Variants in TBC1D9 observed in about 807,000 individuals in gnomAD.
The protein encoded by TBC1D9 is TBC1 domain family member 9A.
TBC1D9 carries 63 observed loss-of-function variants against 132.0 expected under a neutral mutation model. That is an observed-to-expected ratio of 0.48 (90% CI 0.39 to 0.59). TBC1D9 has a LOEUF of 0.59. Among genes scored for constraint, TBC1D9 ranks in the 20% least tolerant of loss-of-function variants. The probability of loss-of-function intolerance (pLI) is 0.00; values close to 1 mark genes in which losing one functional copy is unlikely to be tolerated. For missense variants in TBC1D9, 1,261 were observed against 1,592.7 expected (o/e 0.79, Z 3.54); for synonymous variants, 610 against 609.9 (o/e 1.00, Z 0.00).
At chr4:140,658,244 C>T (rs1008497282) in intron 11 of TBC1D9, among the ~76,000 whole-genome samples, 1 of 152,164 alleles carries the variant, frequency 6.6e-6, no homozygotes, top group African/African-American at 2.4e-5. Flanking sequence ...TTTGAGAGTA[C>T]TCACACAAAC....
At chr4:140,692,436 G>A (rs1169887419) in intron 2 of TBC1D9, among the ~76,000 whole-genome samples, 12 of 152,118 alleles carry the variant, frequency 7.9e-5, no homozygotes, top group Non-Finnish European at 1.6e-4. Flanking sequence ...ATGAAGGCAA[G>A]AGTATTACTC....
chr4:140,715,075 A>G (rs2111052463), intron 1 of TBC1D9, among the ~76,000 whole-genome samples: 1 of 152,308 alleles, frequency 6.6e-6, no homozygotes, highest in South Asian at 2.1e-4. Flanking sequence ...AGTAAGCAGT[A>G]GCCCCACCAC....
rs568823716 is a variant in TBC1D9, at chr4:140,744,693, G to A, written c.130+11223C>T. ...GAGGTCAGGAGTTTGAGACCAGCTT[G>A]ACTAACATAGTGAAACCCCGTCCCT... On this transcript the variant is annotated intron_variant, in intron 1 of 20. Coordinates refer to ENST00000442267, the MANE Select transcript of TBC1D9 (RefSeq NM_015130.3). Among the ~76,000 whole-genome samples, 121 of 152,030 alleles carry A rather than the reference G, an allele frequency of 8.0e-4. 1 individual carries two copies. Among genetic ancestry groups the A allele is most frequent in the Middle Eastern group, 3.4e-3 (1 of 294 alleles).
At chr4:140,707,562 G>A (rs1017904147) in intron 1 of TBC1D9, among the ~76,000 whole-genome samples, 3 of 152,156 alleles carry the variant, frequency 2.0e-5, no homozygotes, top group African/African-American at 7.2e-5. Flanking sequence ...TCTGGCTGCT[G>A]CTCCTTAGAT....
chr4:140,699,864 T>C (rs141298167), intron 2 of TBC1D9, among the ~76,000 whole-genome samples: 1 of 152,354 alleles, frequency 6.6e-6, no homozygotes, highest in African/African-American at 2.4e-5. Flanking sequence ...GGGGGTGGTA[T>C]AGATGAGAGT....
chr4:140,673,004 AC>A (rs1489516736), intron 6 of TBC1D9, among the ~76,000 whole-genome samples: 1 of 152,102 alleles, frequency 6.6e-6, no homozygotes, highest in East Asian at 1.9e-4. Flanking sequence ...TACTAAAAAT[AC>A]AAAAATTAGC....
intron 1 of TBC1D9, among the ~76,000 whole-genome samples, chr4:140,732,439 T>C (rs1226968268): frequency 6.6e-6 from 1 of 152,234 alleles, no homozygotes; most frequent in Non-Finnish European, 1.5e-5. Context: ...GATACTATTG[T>C]AAGATGTCTC....
chr4:140,661,410 T>C (rs1341204876), intron 10 of TBC1D9, among the ~76,000 whole-genome samples: 1 of 152,206 alleles, frequency 6.6e-6, no homozygotes, highest in Non-Finnish European at 1.5e-5. Flanking sequence ...CTTAAGAGGA[T>C]GCAAAGTAGC....
chr4:140,670,726 A>G lies in TBC1D9; in HGVS notation c.1260T>C (p.Asp420=), dbSNP rs769270619. ...KEFAGSYNSS[D]DEVYSRPSSL... ...TCAGGTGTCTCCCACAGACCTCATCATCTGAACTGTTGTAACTTCCTGCAA... is the reference window on the plus strand; with the variant it reads ...TCAGGTGTCTCCCACAGACCTCATCGTCTGAACTGTTGTAACTTCCTGCAA... The change falls in exon 7 of 21, where the codon GAT becomes GAC. Residue 420 remains aspartate, a synonymous_variant. Transcript: ENST00000442267. 6 of 1,613,450 alleles carry G rather than the reference A, an allele frequency of 3.7e-6. No homozygotes were observed. The highest frequency in any genetic ancestry group is 3.3e-5 in the Admixed American group (2 of 60,008).
intron 13 of TBC1D9, among the ~76,000 whole-genome samples, chr4:140,639,899 C>A (rs149951347): frequency 3.3e-5 from 5 of 152,200 alleles, no homozygotes; most frequent in African/African-American, 1.2e-4. Context: ...ATGGCAGACA[C>A]TGTGAGCTAG....
intron 9 of TBC1D9, among the ~76,000 whole-genome samples, chr4:140,665,355 G>A (rs1244676003): frequency 1.3e-5 from 2 of 152,076 alleles, no homozygotes; most frequent in East Asian, 3.9e-4. Context: ...TAATGAACTT[G>A]TATCTCAAAT....
chr4:140,654,535 C>T (rs895087687), intron 13 of TBC1D9, among the ~76,000 whole-genome samples: 3 of 152,032 alleles, frequency 2.0e-5, no homozygotes, highest in Non-Finnish European at 2.9e-5. Flanking sequence ...AGAGAAACCC[C>T]ATTATATCCC....
rs113410327 is a variant in TBC1D9 at position 140,644,815 on chromosome 4, G to A, written c.2338-5387C>T. On this transcript the variant is annotated intron_variant, in intron 13 of 20. Coordinates refer to ENST00000442267, the MANE Select transcript of TBC1D9 (RefSeq NM_015130.3). ...CACGGTGGCCCGCTCCATCAGCTCC[G>A]CAAAGTGAGGCAGGTGATCTCTGGG... The A allele has an allele frequency of 2.8e-3, 1,166 of 412,982 alleles. 14 individuals are homozygous for A. Among genetic ancestry groups the A allele is most frequent in the African/African-American group, 0.021 (1,021 of 47,726 alleles). 25.6% of individuals were successfully genotyped at this position (412,982 alleles called of 1,614,324 possible). A position where few individuals can be genotyped will look rare whatever the true frequency, so the allele number is the denominator to read the frequency against.
intron 1 of TBC1D9, among the ~76,000 whole-genome samples, chr4:140,707,970 C>T (rs548972836): frequency 3.3e-5 from 5 of 151,728 alleles, no homozygotes; most frequent in South Asian, 2.1e-4. Context: ...ACATTGTTTC[C>T]TACTTCAAAA....
Position 140,671,674 on chromosome 4 carries a change from C to CTGTGTGTGTGTGTGTGTGTG in TBC1D9, c.1060-768_1060-749dup, listed in dbSNP as rs34072180. 4.3e-3 allele frequency among the ~76,000 whole-genome samples: 610 copies of CTGTGTGTGTGTGTGTGTGTG among 141,812 alleles called. 12 individuals carry two copies. Among genetic ancestry groups the CTGTGTGTGTGTGTGTGTGTG allele is most frequent in the African/African-American group, 0.015 (556 of 36,374 alleles). 93.0% of individuals were successfully genotyped at this position (141,812 alleles called of 152,430 possible). A position where few individuals can be genotyped will look rare whatever the true frequency, so the allele number is the denominator to read the frequency against. On this transcript the variant is annotated intron_variant, in intron 6 of 20. Transcript: ENST00000442267. ...TTGCAACATTATCTGAACTACCAGA[C>CTGTGTGTGTGTGTGTGTGTG]TGTGTGTGTGTGTGTGTGTGTGTGT... is the stretch of plus-strand genomic sequence containing the variant.
chr4:140,708,897 G>A (rs963702783), intron 1 of TBC1D9, among the ~76,000 whole-genome samples: 1 of 152,092 alleles, frequency 6.6e-6, no homozygotes, highest in Non-Finnish European at 1.5e-5. Flanking sequence ...TCAGGCGCAG[G>A]TATTATTGGC....
intron 1 of TBC1D9, among the ~76,000 whole-genome samples, chr4:140,701,997 A>G (rs1738077754): frequency 6.6e-6 from 1 of 152,202 alleles, no homozygotes; most frequent in African/African-American, 2.4e-5. Context: ...GGCATTTATC[A>G]TCAAGTGGAG....
At chr4:140,735,145 A>G (rs1026052773) in intron 1 of TBC1D9, among the ~76,000 whole-genome samples, 8 of 152,222 alleles carry the variant, frequency 5.3e-5, no homozygotes, top group African/African-American at 1.7e-4. Context: ...ATTCTCTTTG[A>G]CATTTATATT....
chr4:140,739,492 G>A (rs1368819684), intron 1 of TBC1D9, among the ~76,000 whole-genome samples: 1 of 152,072 alleles, frequency 6.6e-6, no homozygotes, highest in African/African-American at 2.4e-5. Flanking sequence ...ACTTCTCTGA[G>A]AACTCAGTTT....
Sources: allele counts gnomAD v4.1 joint callset (sites outside exome capture counted in the v4.1 genomes callset), GRCh38; gene constraint gnomAD v4.1.1; transcripts MANE v1.5; gene names NCBI Gene and HGNC (gene_info 2026-07-23, HGNC 2026-07-21).